The following HAX1 variants were observed in gnomAD, a reference collection of about 807,000 sequenced individuals.
HAX1 encodes the protein HCLS1 associated protein X-1, also known as HCLS1-associated protein X-1.
HAX1 carries 27 observed loss-of-function variants against 31.1 expected under a neutral mutation model. The ratio of observed to expected loss-of-function variants is 0.87; its 90% CI spans 0.64 to 1.20. The LOEUF (loss-of-function observed/expected upper bound fraction) is 1.20. Among genes scored for constraint, HAX1 ranks in the 50% most tolerant of loss-of-function variants. HAX1 has a pLI of 0.00. For missense variants in HAX1, 357 were observed against 361.6 expected, an observed-to-expected ratio of 0.99 and a Z score of 0.10; for synonymous variants, 114 against 124.1, an observed-to-expected ratio of 0.92 and a Z score of 0.54.
intron 1 of HAX1, 121 bp from the exon 2 acceptor site, chr1:154,273,215 C>A: frequency 9.1e-7 from 1 of 1,104,460 alleles, no homozygotes; most frequent in Non-Finnish European, 1.4e-6. Context: ...GGCAGCCAGT[C>A]CTCCGACCCT....
chr1:154,273,078 GACTGGGGCAC>G (rs1684835618), intron 1 of HAX1: 3 of 602,302 alleles, frequency 5.0e-6, no homozygotes, highest in Non-Finnish European at 8.8e-6. Flanking sequence ...AGAGAGGAGG[GACTGGGGCAC>G]ACTGAAGAAA....
At position 154,272,717 on chromosome 1, in the gene HAX1, T is replaced by C; in HGVS notation, c.-7T>C. On this transcript the variant is annotated 5_prime_UTR_variant, in exon 1 of 7. Coordinates refer to ENST00000328703, the MANE Select transcript of HAX1 (RefSeq NM_006118.4). ...AGGGGTTCAAAGGTTCGCGTCCCAG[T>C]ACGGGAATGAGCCTCTTTGATCTCT... The C allele has an allele frequency of 1.2e-6, 2 of 1,614,142 alleles. No individual in the cohort carries two copies. The highest frequency in any genetic ancestry group is 1.7e-6 in the Non-Finnish European group (2 of 1,179,998).
chr1:154,272,647 T>G lies in HAX1; in HGVS notation c.-77T>G, dbSNP rs1684810017. ...GTGGGCTGACGCCTCGCTCAATTTCTCACAGGGCTGCGCAGGTTTCCCCCG... is the reference window on the plus strand; with the variant it reads ...GTGGGCTGACGCCTCGCTCAATTTCGCACAGGGCTGCGCAGGTTTCCCCCG... On this transcript the variant is annotated 5_prime_UTR_variant, in exon 1 of 7. Transcript: ENST00000328703. The G allele has an allele frequency of 1.4e-6, 2 of 1,466,162 alleles. No homozygotes were observed. The highest frequency in any genetic ancestry group is 1.4e-5 in the African/African-American group (1 of 72,338). The allele number at this position is 1,466,162 out of a possible 1,614,324, so 90.8% of individuals were successfully genotyped here. A position where few individuals can be genotyped will look rare whatever the true frequency, so the allele number is the denominator to read the frequency against.
Position 154,273,451 on chromosome 1 carries a change from C to T in HAX1, c.169C>T (p.Pro57Ser). The T allele has an allele frequency of 6.2e-7, 1 of 1,614,098 alleles. No individual in the cohort carries two copies. The highest frequency in any genetic ancestry group is 8.5e-7 in the Non-Finnish European group (1 of 1,180,002). Residue 57 changes from proline (P) to serine (S), a missense_variant, in exon 2 of 7, where the codon CCC (proline) becomes TCC (serine). Coordinates refer to ENST00000328703, the MANE Select transcript of HAX1 (RefSeq NM_006118.4). Reference sequence around the variant, plus strand: ...CCCAAGGTTCCATAGTCCTCAGCACCCCCCTGAGGAATTTGGCTTCGGCTT... The same window carrying T: ...CCCAAGGTTCCATAGTCCTCAGCACTCCCCTGAGGAATTTGGCTTCGGCTT... Reference protein sequence around the residue: ...GNPRFHSPQHPPEEFGFGFSF... With the variant: ...GNPRFHSPQHSPEEFGFGFSF...
chr1:154,274,861 T>C, intron 3 of HAX1, 89 bp from the exon 4 acceptor site: 1 of 873,392 alleles, frequency 1.1e-6, no homozygotes, highest in East Asian at 2.4e-5. Flanking sequence ...TGGAAGGGGG[T>C]TTTGGAGCTC....
In HAX1 at chr1:154,272,694, G is replaced by A. The variant is rs2149138456; in HGVS notation, c.-30G>A. On this transcript the variant is annotated 5_prime_UTR_variant, in exon 1 of 7. Transcript: ENST00000328703. ...CCCGTCTGCGAATGGACCACTGGAG[G>A]GGTTCAAAGGTTCGCGTCCCAGTAC... 6.2e-7 allele frequency: 1 copy of A among 1,612,834 alleles called. No homozygotes were observed. Among genetic ancestry groups the A allele is most frequent in the South Asian group, 1.1e-5 (1 of 91,002 alleles).
At position 154,273,602 on chromosome 1, in the gene HAX1, TG is replaced by T. The variant is rs1684869658; in HGVS notation, c.316+5del. The stretch of plus-strand genomic sequence containing the variant: ...ACCTTGCCTTCCCATCCTCCTGGTG[TG>T]TGGCTTTCCCTAAGGGGCAACCTGT... On this transcript the variant is annotated splice_donor_5th_base_variant and intron_variant, in intron 2 of 6. Coordinates refer to ENST00000328703, the MANE Select transcript of HAX1 (RefSeq NM_006118.4). The T allele has an allele frequency of 1.2e-6, 2 of 1,613,958 alleles. No individual in the cohort carries two copies. Among genetic ancestry groups the T allele is most frequent in the African/African-American group, 1.3e-5 (1 of 74,896 alleles).
chr1:154,273,244 C>T (rs1033500254), intron 1 of HAX1, 92 bp from the exon 2 acceptor site: 1 of 1,507,854 alleles, frequency 6.6e-7, no homozygotes, highest in Admixed American at 1.7e-5. Flanking sequence ...CTTCCCAGAC[C>T]CCTTGCTCTT....
intron 3 of HAX1, among the ~76,000 whole-genome samples, chr1:154,274,222 T>C (rs779931805): frequency 2.0e-5 from 3 of 151,574 alleles, no homozygotes; most frequent in African/African-American, 4.8e-5. Flanking sequence ...GGCAGGAGAA[T>C]TGGTTGAACC....
intron 6 of HAX1, 41 bp from the exon 7 acceptor site, chr1:154,275,575 C>G (rs756332883): frequency 6.3e-7 from 1 of 1,585,198 alleles, no homozygotes; most frequent in South Asian, 1.1e-5. Context: ...TGCCTAGTCT[C>G]TTTCATTTAG....
Position 154,275,668 on chromosome 1 carries a change from C to T in HAX1, c.807C>T (p.Asp269=), listed in dbSNP as rs751968025. ...PALDDAFSIL[D]LFLGRWFRSR ...TGGATGATGCCTTTTCCATCCTGGA[C>T]TTATTCCTGGGACGTTGGTTCCGGT... Residue 269 remains aspartate, a synonymous_variant, in exon 7 of 7, where the codon GAC becomes GAT. Transcript: ENST00000328703. The T allele has an allele frequency of 1.1e-5, 17 of 1,613,886 alleles. No homozygotes were observed.
In HAX1 at chr1:154,272,795, C is replaced by A; in HGVS notation, c.53+19C>A. On this transcript the variant is annotated intron_variant, in intron 1 of 6. Transcript: ENST00000328703. Reference sequence around the variant, plus strand: ...CTCGGAGGTGAGAGTAGGTCCGGCTCGGACAAGGGTGGGGGTCGTCTGAGG... The same window carrying A: ...CTCGGAGGTGAGAGTAGGTCCGGCTAGGACAAGGGTGGGGGTCGTCTGAGG... The A allele has an allele frequency of 6.2e-7, 1 of 1,612,482 alleles. No individual in the cohort carries two copies. Among genetic ancestry groups the A allele is most frequent in the Non-Finnish European group, 8.5e-7 (1 of 1,178,552 alleles).
chr1:154,274,481 A>G (rs950164551), intron 3 of HAX1, among the ~76,000 whole-genome samples: 5 of 152,174 alleles, frequency 3.3e-5, no homozygotes, highest in Admixed American at 1.3e-4. Context: ...TCCTGACCTC[A>G]GGTGATCCAC....
At chr1:154,274,184 C>G (rs547659909) in intron 3 of HAX1, among the ~76,000 whole-genome samples, 79 of 152,206 alleles carry the variant, frequency 5.2e-4, no homozygotes, top group Admixed American at 2.0e-3. Context: ...TGGCAGGTGC[C>G]TGTAATGCCA....
Position 154,275,135 on chromosome 1 carries a change from C to T in HAX1, c.557-19C>T, listed in dbSNP as rs1050683276. 2.6e-6 allele frequency: 4 copies of T among 1,552,292 alleles called. No individual in the cohort carries two copies. Among genetic ancestry groups the T allele is most frequent in the African/African-American group, 2.7e-5 (2 of 73,760 alleles). On this transcript the variant is annotated intron_variant, in intron 4 of 6. Coordinates refer to ENST00000328703, the MANE Select transcript of HAX1 (RefSeq NM_006118.4). Reference sequence around the variant, plus strand: ...TTGGACTCTTTCTCTCCTGCTTCTTCATCTCTCTGCTCTTCCAGATCTTGA... The same window carrying T: ...TTGGACTCTTTCTCTCCTGCTTCTTTATCTCTCTGCTCTTCCAGATCTTGA...
Position 154,275,454 on chromosome 1 carries a change from G to A in HAX1, c.725G>A (p.Arg242Gln), listed in dbSNP as rs763822514. Residue 242 changes from arginine (R) to glutamine (Q), a missense_variant, in exon 6 of 7, where the codon CGA becomes CAA. Physicochemically the swap from Arg to Gln is conservative, Grantham distance 43. Coordinates refer to ENST00000328703, the MANE Select transcript of HAX1 (RefSeq NM_006118.4). ...SEGRTETTVT[R>Q]HEADSSPRGD... ...GGCCGGACAGAGACTACAGTAACCC[G>A]ACACGAAGCAGATAGCAGTCCTAGG... 97 of 1,613,970 alleles carry A rather than the reference G, an allele frequency of 6.0e-5. No homozygotes were observed. Among genetic ancestry groups the A allele is most frequent in the Admixed American group, 4.0e-4 (24 of 59,982 alleles).
chr1:154,272,665 T>TG lies in HAX1; in HGVS notation c.-59_-58insG. The stretch of plus-strand genomic sequence containing the variant: ...CAATTTCTCACAGGGCTGCGCAGGT[T>TG]TCCCCCGTCTGCGAATGGACCACTG... On this transcript the variant is annotated 5_prime_UTR_variant, in exon 1 of 7. Coordinates refer to ENST00000328703, the MANE Select transcript of HAX1 (RefSeq NM_006118.4). 2 of 1,552,292 alleles carry TG rather than the reference T, an allele frequency of 1.3e-6. No individual in the cohort carries two copies. Among genetic ancestry groups the TG allele is most frequent in the South Asian group, 2.2e-5 (2 of 89,374 alleles).
chr1:154,272,666 T>C lies in HAX1; in HGVS notation c.-58T>C. The C allele has an allele frequency of 1.9e-6, 3 of 1,556,936 alleles. No homozygotes were observed. The highest frequency in any genetic ancestry group is 2.2e-5 in the South Asian group (2 of 89,472). On this transcript the variant is annotated 5_prime_UTR_variant, in exon 1 of 7. Transcript: ENST00000328703. The stretch of plus-strand genomic sequence containing the variant: ...AATTTCTCACAGGGCTGCGCAGGTT[T>C]CCCCCGTCTGCGAATGGACCACTGG...
At chr1:154,273,224 C>G in intron 1 of HAX1, 112 bp from the exon 2 acceptor site, 1 of 1,255,390 alleles carries the variant, frequency 8.0e-7, no homozygotes, top group Non-Finnish European at 1.1e-6. Flanking sequence ...TCCTCCGACC[C>G]TCTCCCTAGC....
Sources: allele counts gnomAD v4.1 joint callset (sites outside exome capture counted in the v4.1 genomes callset), GRCh38; gene constraint gnomAD v4.1.1; transcripts MANE v1.5; gene names NCBI Gene and HGNC (gene_info 2026-07-23, HGNC 2026-07-21).